The following MSANTD2 variants were observed in gnomAD, a reference collection of about 807,000 sequenced individuals.
The protein encoded by MSANTD2 is myb/SANT-like DNA-binding domain-containing protein 2.
A neutral mutation model predicts 52.6 loss-of-function variants in MSANTD2; 19 were observed. The observed-to-expected ratio is 0.36, with a 90% confidence interval of 0.25 to 0.53. MSANTD2 has a LOEUF of 0.53. MSANTD2 is among the 20% of genes least tolerant of loss of function. MSANTD2 has a pLI of 0.91. For synonymous variants in MSANTD2, 291 were observed against 289.7 expected, an observed-to-expected ratio of 1.00 and a Z score of -0.04; for missense variants, 558 against 716.3, an observed-to-expected ratio of 0.78 and a Z score of 2.52.
At chr11:124,775,652 A>G (rs533823894) in intron 1 of MSANTD2, 1 of 152,410 alleles carries the variant, frequency 6.6e-6, no homozygotes, top group East Asian at 1.9e-4. Flanking sequence ...AAAGCTAGAC[A>G]ATCTACTCGT....
At position 124,800,086 on chromosome 11, in the gene MSANTD2, A is replaced by AGGCGGC. The variant is rs772182645; in HGVS notation, c.289_294dup (p.Ala97_Ala98dup). ...GCTGGCGTCCACGACATGCCCCGGC[A>AGGCGGC]GGCGGCGGCGGCGGCTGCCGCAGCC... is the stretch of plus-strand genomic sequence containing the variant. On this transcript the variant is annotated inframe_insertion, in exon 1 of 4. Transcript: ENST00000374979. This position sits in a 1 kb window ranked among gnomAD's most constrained non-coding sequence, Gnocchi z 4.3. 26 of 1,493,246 alleles carry AGGCGGC rather than the reference A, an allele frequency of 1.7e-5. No homozygotes were observed. The East Asian group carries it at 2.2e-4, about 13-fold the overall frequency. 92.5% of individuals were successfully genotyped at this position (1,493,246 alleles called of 1,614,324 possible). A position where few individuals can be genotyped will look rare whatever the true frequency, so the allele number is the denominator to read the frequency against.
chr11:124,788,024 G>A (rs1945213992), intron 1 of MSANTD2, among the ~76,000 whole-genome samples: 1 of 151,124 alleles, frequency 6.6e-6, no homozygotes, highest in Non-Finnish European at 1.5e-5. Flanking sequence ...AGCCTGGGGA[G>A]GTTGAGGTGA....
chr11:124,772,594 G>T (rs562876058), intron 3 of MSANTD2, among the ~76,000 whole-genome samples: 1 of 151,964 alleles, frequency 6.6e-6, no homozygotes, highest in African/African-American at 2.4e-5. Flanking sequence ...AAAATTAGCC[G>T]GGCGTGGTGG....
chr11:124,767,793 C>T lies in MSANTD2; in HGVS notation c.1063G>A (p.Glu355Lys). ...ACTCGGGTCATAATGATCCGTCCTT[C>T]AGGCTTCTCAGAGTTGAAGTACTCC... is the stretch of plus-strand genomic sequence containing the variant. ...LREYFNSEKP[E>K]GRIIMTRVQK... The change falls in exon 4 of 4, where the codon GAA becomes AAA. Residue 355 changes from glutamate (E) to lysine (K), a missense_variant. By Grantham distance (56) the Glu-to-Lys change is moderately conservative (BLOSUM62 1). Coordinates refer to ENST00000374979, the MANE Select transcript of MSANTD2 (RefSeq NM_001308027.2). This position sits in a 1 kb window ranked among gnomAD's most constrained non-coding sequence, Gnocchi z 6.5. 6.2e-7 allele frequency: 1 copy of T among 1,614,238 alleles called. No homozygotes were observed. The highest frequency in any genetic ancestry group is 8.5e-7 in the Non-Finnish European group (1 of 1,180,040).
intron 1 of MSANTD2, chr11:124,789,652 T>C (rs1945269129): frequency 1.3e-5 from 2 of 152,190 alleles, no homozygotes; most frequent in African/African-American, 2.4e-5. Context: ...AGTATTTCCA[T>C]TGGCTTTCAA....
At chr11:124,771,876 A>T (rs191504501) in intron 3 of MSANTD2, among the ~76,000 whole-genome samples, 3 of 152,342 alleles carry the variant, frequency 2.0e-5, no homozygotes, top group Non-Finnish European at 4.4e-5. Context: ...GCACTCAAGA[A>T]TAAGTGGGTG....
At position 124,767,674 on chromosome 11, in the gene MSANTD2, C is replaced by T; in HGVS notation, c.1182G>A (p.Trp394Ter). ...RCLELHMEID[W>*]IPIAHSKPTG... ...TTGGTTTGGAGTGGGCAATGGGTATCCAGTCAATTTCCATGTGCAGCTCCA... is the reference window on the plus strand; with the variant it reads ...TTGGTTTGGAGTGGGCAATGGGTATTCAGTCAATTTCCATGTGCAGCTCCA... The change falls in exon 4 of 4, where the codon TGG becomes TGA. Residue 394 changes from tryptophan to a stop codon, truncating the protein, a stop_gained. Transcript: ENST00000374979. LOFTEE classifies it high-confidence loss of function. The surrounding 1 kb of genome is among the most constrained non-coding windows in gnomAD (Gnocchi z 6.5). The T allele has an allele frequency of 6.2e-7, 1 of 1,614,204 alleles. No homozygotes were observed. The highest frequency in any genetic ancestry group is 8.5e-7 in the Non-Finnish European group (1 of 1,180,048).
chr11:124,800,376 G>T lies in MSANTD2; in HGVS notation c.5C>A (p.Ala2Asp), dbSNP rs754464264. 5 of 1,516,928 alleles carry T rather than the reference G, an allele frequency of 3.3e-6. No individual in the cohort carries two copies. Among genetic ancestry groups the T allele is most frequent in the South Asian group, 1.3e-5 (1 of 79,110 alleles). 94.0% of individuals were successfully genotyped at this position (1,516,928 alleles called of 1,614,324 possible). Residue 2 changes from alanine (A) to aspartate (D), a missense_variant, in exon 1 of 4, where the codon GCT becomes GAT. Physicochemically the swap from Ala to Asp is moderately radical, Grantham distance 126. Around this residue, in one of 2 missense-constraint regions of MSANTD2, gnomAD observed 150 missense variants for 142.7 expected, o/e 1.05. Coordinates refer to ENST00000374979, the MANE Select transcript of MSANTD2 (RefSeq NM_001308027.2). The surrounding 1 kb of genome is among the most constrained non-coding windows in gnomAD (Gnocchi z 4.3). MAAPCGSELPAN... is the reference protein window; with the variant it reads MDAPCGSELPAN... ...GGGCAGCTCCGAGCCACAGGGCGCA[G>T]CCATCTTCCAAGCGGCCGCCGCTGC...
In MSANTD2 at chr11:124,800,117, A is replaced by G. The variant is rs2135283163; in HGVS notation, c.264T>C (p.Gly88=). ...SSVSFSPGGG[G]GGAAAAAAAA... is the part of the protein sequence containing the mutation. ...CGGCGGCGGCTGCCGCAGCCCCGCC[A>G]CCGCCGCCACCAGGGGAGAAGGAGA... The change falls in exon 1 of 4, where the codon GGT becomes GGC. Residue 88 remains glycine (G), a synonymous_variant. Coordinates refer to ENST00000374979, the MANE Select transcript of MSANTD2 (RefSeq NM_001308027.2). This position sits in a 1 kb window ranked among gnomAD's most constrained non-coding sequence, Gnocchi z 4.3. 1 of 1,481,774 alleles carries G rather than the reference A, an allele frequency of 6.7e-7. No homozygotes were observed. Among genetic ancestry groups the G allele is most frequent in the Non-Finnish European group, 8.9e-7 (1 of 1,125,784 alleles). The allele number at this position is 1,481,774 out of a possible 1,614,324, so 91.8% of individuals were successfully genotyped here.
intron 1 of MSANTD2, among the ~76,000 whole-genome samples, chr11:124,795,059 T>A (rs992056697): frequency 2.0e-5 from 3 of 152,084 alleles, no homozygotes; most frequent in African/African-American, 7.2e-5. Flanking sequence ...TTTGTATTTT[T>A]GGTAGAGACA....
At chr11:124,791,213 G>A in intron 1 of MSANTD2, 3 of 1,292,038 alleles carry the variant, frequency 2.3e-6, no homozygotes, top group Non-Finnish European at 3.3e-6. Context: ...GACATTTGGA[G>A]AATGCCATCA....
chr11:124,769,147 T>C (rs1364101368), intron 3 of MSANTD2, among the ~76,000 whole-genome samples: 1 of 152,226 alleles, frequency 6.6e-6, no homozygotes, highest in East Asian at 1.9e-4. Context: ...CTTTTCCTGC[T>C]ACGTTCTCAT....
intron 3 of MSANTD2, among the ~76,000 whole-genome samples, chr11:124,770,967 C>A (rs773765263): frequency 5.9e-5 from 9 of 152,040 alleles, no homozygotes; most frequent in Non-Finnish European, 1.3e-4. Flanking sequence ...CTCCTGACCT[C>A]GTGATCTGCC....
At chr11:124,784,868 T>C (rs1945109727) in intron 1 of MSANTD2, 1 of 160,174 alleles carries the variant, frequency 6.2e-6, no homozygotes, top group South Asian at 2.0e-4. Context: ...CCAGATTCAT[T>C]AACTTGTGAA....
intron 1 of MSANTD2, among the ~76,000 whole-genome samples, chr11:124,786,914 A>G (rs2135259663): frequency 6.6e-6 from 1 of 152,348 alleles, no homozygotes; most frequent in East Asian, 1.9e-4. Flanking sequence ...GATATAAGCA[A>G]GTGGTTAAGA....
chr11:124,793,311 C>T (rs997809691), intron 1 of MSANTD2, among the ~76,000 whole-genome samples: 1 of 152,174 alleles, frequency 6.6e-6, no homozygotes, highest in African/African-American at 2.4e-5. Context: ...TTATTCAGTA[C>T]ATTTTATCGC....
rs77530530 is a variant in MSANTD2, at chr11:124,773,093, A to G, written c.767-39T>C. On this transcript the variant is annotated intron_variant, in intron 2 of 3. Coordinates refer to ENST00000374979, the MANE Select transcript of MSANTD2 (RefSeq NM_001308027.2). ...ATTTTGAAAAAAGTTATACTTTCCT[A>G]AGTGGTGGCATGCATGTATGTAGAT... 8,114 of 1,202,116 alleles carry G rather than the reference A, an allele frequency of 6.7e-3. 343 individuals carry two copies. In the African/African-American group the frequency reaches 0.1, roughly 15 times the overall value. 74.5% of individuals were successfully genotyped at this position (1,202,116 alleles called of 1,614,324 possible).
At chr11:124,768,232 T>C (rs1944374499) in intron 3 of MSANTD2, among the ~76,000 whole-genome samples, 1 of 152,212 alleles carries the variant, frequency 6.6e-6, no homozygotes, top group Non-Finnish European at 1.5e-5. Flanking sequence ...GCAGCTACTG[T>C]ACTGGGCAGT....
intron 1 of MSANTD2, among the ~76,000 whole-genome samples, chr11:124,794,856 C>A (rs1411730555): frequency 6.6e-6 from 1 of 152,040 alleles, no homozygotes; most frequent in Non-Finnish European, 1.5e-5. Flanking sequence ...GTTCTCTGGG[C>A]AGAAGACTCT....
Sources: gnomAD v4.1 joint callset for allele counts (sites outside exome capture counted in the v4.1 genomes callset) on GRCh38, gnomAD v4.1.1 for gene constraint, gnomAD v4.1.1 regional missense constraint, Gnocchi (gnomAD v3.1) non-coding constraint, MANE v1.5 for transcripts, NCBI Gene and HGNC (gene_info 2026-07-23, HGNC 2026-07-21) for gene names.